The following DNAJB13 variants were observed in gnomAD, a reference collection of about 807,000 sequenced individuals.
DNAJB13 encodes the protein DnaJ heat shock protein family (Hsp40) member B13.
A neutral mutation model predicts 35.6 loss-of-function variants in DNAJB13; 22 were observed. That is an observed-to-expected ratio of 0.62 (90% confidence interval 0.44 to 0.88). The LOEUF (loss-of-function observed/expected upper bound fraction) is 0.88, where lower values mean the gene tolerates loss of function less well. Among genes scored for constraint, DNAJB13 ranks in the 40% least tolerant of loss-of-function variants. DNAJB13 has a pLI of 0.00. For synonymous variants in DNAJB13, 136 were observed against 144.2 expected, an observed-to-expected ratio of 0.94 and a Z score of 0.41; for missense variants, 370 against 384.3, an observed-to-expected ratio of 0.96 and a Z score of 0.31.
chr11:73,966,243 G>C lies in DNAJB13; in HGVS notation c.598G>C (p.Gly200Arg), dbSNP rs1187968645. 6.2e-7 allele frequency: 1 copy of C among 1,612,474 alleles called. No homozygotes were observed. The highest frequency in any genetic ancestry group is 8.5e-7 in the Non-Finnish European group (1 of 1,179,410). The change falls in exon 5 of 8, where the codon GGG becomes CGG. Residue 200 changes from glycine (G) to arginine (R), a missense_variant. Gly to Arg is a moderately radical substitution (Grantham distance 125). Transcript: ENST00000339764. ...CACACGCATCACCTTTGAGAAGGAA[G>C]GGGACCAGGTGAGGGGGGAAGAAGC... ...QGTRITFEKE[G>R]DQGPNIIPAD...
At position 73,956,853 on chromosome 11, in the gene DNAJB13, T is replaced by C. The variant is rs370896742; in HGVS notation, c.69-1464T>C. On this transcript the variant is annotated intron_variant, in intron 1 of 7. Coordinates refer to ENST00000339764, the MANE Select transcript of DNAJB13 (RefSeq NM_153614.4). ...ATGTCTGGGCTCAGTGAATTTATGA[T>C]ACCTTGGAGAGGAGATGGCAAGTAG... is the stretch of plus-strand genomic sequence containing the variant. 3.3e-5 allele frequency among the ~76,000 whole-genome samples: 5 copies of C among 149,798 alleles called. No homozygotes were observed. The East Asian group carries it at 5.9e-4, about 18-fold the overall frequency.
In DNAJB13 at chr11:73,953,976, G is replaced by A. The variant is rs369882540; in HGVS notation, c.68+2839G>A. On this transcript the variant is annotated intron_variant, in intron 1 of 7. Transcript: ENST00000339764. ...CACTCCAGCCTGGGCGACAGAGCGA[G>A]ACTCTGTCTCAAAAATAATAATAAA... is the stretch of plus-strand genomic sequence containing the variant. Among the ~76,000 whole-genome samples the A allele has an allele frequency of 1.4e-3, 199 of 146,002 alleles. 2 individuals carry two copies. The highest frequency in any genetic ancestry group is 4.9e-3 in the African/African-American group (192 of 39,040).
chr11:73,957,934 A>T (rs1282809685), intron 1 of DNAJB13, among the ~76,000 whole-genome samples: 1 of 151,030 alleles, frequency 6.6e-6, no homozygotes, highest in Non-Finnish European at 1.5e-5. Context: ...GGAAGGAGGG[A>T]GAGTGCAGCG....
At chr11:73,953,018 G>A (rs950913520) in intron 1 of DNAJB13, among the ~76,000 whole-genome samples, 1 of 152,288 alleles carries the variant, frequency 6.6e-6, no homozygotes, top group African/African-American at 2.4e-5. Flanking sequence ...GGGCCCAGGA[G>A]TTTGAGAGGG....
rs1238052981 is a variant in DNAJB13 at position 73,968,530 on chromosome 11, G to GC, written c.720+74dup. 5 of 1,325,534 alleles carry GC rather than the reference G, an allele frequency of 3.8e-6. No homozygotes were observed. In the African/African-American group the frequency reaches 5.8e-5, roughly 15 times the overall value. 82.1% of individuals were successfully genotyped at this position (1,325,534 alleles called of 1,614,324 possible). A position where few individuals can be genotyped will look rare whatever the true frequency, so the allele number is the denominator to read the frequency against. ...CCCTGCCTGCCCCGGCCTAGACTTG[G>GC]CCTCCCCTCCCACAACCACCTGCCA... On this transcript the variant is annotated intron_variant, in intron 6 of 7. Transcript: ENST00000339764.
At chr11:73,969,911 G>T in intron 7 of DNAJB13, 50 bp from the exon 8 acceptor site, 2 of 1,559,908 alleles carry the variant, frequency 1.3e-6, no homozygotes, top group Non-Finnish European at 1.7e-6. Context: ...GACCTGCTGA[G>T]GTGCTGCTCT....
intron 3 of DNAJB13, 67 bp from the exon 4 acceptor site, chr11:73,964,811 G>GCA (rs1951044146): frequency 3.8e-6 from 5 of 1,324,834 alleles, no homozygotes; most frequent in African/African-American, 3.8e-5. Context: ...GTGTGTGTGT[G>GCA]TGCGCGCGCG....
At chr11:73,967,456 T>A (rs1951150942) in intron 5 of DNAJB13, among the ~76,000 whole-genome samples, 1 of 152,188 alleles carries the variant, frequency 6.6e-6, no homozygotes, top group South Asian at 2.1e-4. Context: ...ATGAAACATC[T>A]ACCTCCGGTC....
intron 3 of DNAJB13, among the ~76,000 whole-genome samples, chr11:73,963,218 G>C (rs181947797): frequency 6.6e-5 from 10 of 152,128 alleles, no homozygotes; most frequent in Admixed American, 6.6e-4. Context: ...AGTGGTGCAT[G>C]CCTGCAATCC....
intron 3 of DNAJB13, among the ~76,000 whole-genome samples, chr11:73,963,043 C>T (rs1301393144): frequency 1.3e-5 from 2 of 152,094 alleles, no homozygotes; most frequent in African/African-American, 4.8e-5. Context: ...GCTTTGCAAT[C>T]GGCCGGGCAT....
intron 3 of DNAJB13, among the ~76,000 whole-genome samples, chr11:73,960,199 A>G (rs1385400041): frequency 6.6e-6 from 1 of 151,816 alleles, no homozygotes; most frequent in South Asian, 2.1e-4. Context: ...TATTTTTTAG[A>G]TGGAGTCCTG....
chr11:73,966,884 G>A (rs1014944267), intron 5 of DNAJB13, among the ~76,000 whole-genome samples: 6 of 130,782 alleles, frequency 4.6e-5, no homozygotes, highest in African/African-American at 1.5e-4. Flanking sequence ...ACAGAGTCTC[G>A]CTCTGTTACC....
intron 1 of DNAJB13, among the ~76,000 whole-genome samples, chr11:73,957,328 C>T (rs1950778075): frequency 6.6e-6 from 1 of 152,232 alleles, no homozygotes; most frequent in Non-Finnish European, 1.5e-5. Context: ...CCACACACTC[C>T]AACAGACCCC....
chr11:73,960,208 T>C (rs1024072483), intron 3 of DNAJB13, among the ~76,000 whole-genome samples: 3 of 151,928 alleles, frequency 2.0e-5, no homozygotes, highest in African/African-American at 7.3e-5. Flanking sequence ...GATGGAGTCC[T>C]GTTCTGTCAC....
At position 73,969,274 on chromosome 11, in the gene DNAJB13, G is replaced by A. The variant is rs770133930; in HGVS notation, c.749G>A (p.Arg250Lys). Reference protein sequence around the residue: ...KALTCCTVEVRTLDDRLLNIP... With the variant: ...KALTCCTVEVKTLDDRLLNIP... Reference sequence around the variant, plus strand: ...CTCACCTGCTGCACTGTGGAGGTGAGGACCCTAGATGACCGTCTGCTCAAC... The same window carrying A: ...CTCACCTGCTGCACTGTGGAGGTGAAGACCCTAGATGACCGTCTGCTCAAC... The change falls in exon 7 of 8, where the codon AGG becomes AAG. Residue 250 changes from arginine to lysine, a missense_variant. Coordinates refer to ENST00000339764, the MANE Select transcript of DNAJB13 (RefSeq NM_153614.4). 2.3e-6 allele frequency: 2 copies of A among 872,676 alleles called. No homozygotes were observed. The highest frequency in any genetic ancestry group is 4.8e-5 in the East Asian group (2 of 41,672). The allele number at this position is 872,676 out of a possible 1,614,324, so 54.1% of individuals were successfully genotyped here.
chr11:73,965,422 TAAGA>T (rs1432642835), intron 4 of DNAJB13: 2 of 169,964 alleles, frequency 1.2e-5, no homozygotes, highest in South Asian at 1.4e-4. Flanking sequence ...GCCTCGTGCA[TAAGA>T]AAGAACAGTG....
intron 1 of DNAJB13, 117 bp from the exon 2 acceptor site, chr11:73,958,200 T>G (rs1950814371): frequency 2.0e-6 from 2 of 1,022,828 alleles, no homozygotes; most frequent in East Asian, 4.9e-5. Context: ...CCACAGCTGG[T>G]GAAGTCACCC....
At chr11:73,968,287 C>A in intron 5 of DNAJB13, 58 bp from the exon 6 acceptor site, 1 of 1,472,284 alleles carries the variant, frequency 6.8e-7, no homozygotes, top group South Asian at 1.1e-5. Flanking sequence ...GAGGCAGGAA[C>A]TTGGCCAAGG....
At chr11:73,957,123 C>T (rs1157496462) in intron 1 of DNAJB13, among the ~76,000 whole-genome samples, 3 of 152,198 alleles carry the variant, frequency 2.0e-5, no homozygotes, top group Admixed American at 2.0e-4. Flanking sequence ...CCCCACCCTT[C>T]CTGCCCTGCT....
Sources: gnomAD v4.1 joint callset for allele counts (sites outside exome capture counted in the v4.1 genomes callset) on GRCh38, gnomAD v4.1.1 for gene constraint, MANE v1.5 for transcripts, NCBI Gene and HGNC (gene_info 2026-07-23, HGNC 2026-07-21) for gene names.